The following GRID2 variants were observed in gnomAD, a reference collection of about 807,000 sequenced individuals.
The protein encoded by GRID2 is glutamate receptor ionotropic, delta-2.
In GRID2, 33 loss-of-function variants were observed where a neutral mutation model predicts 114.8. The ratio of observed to expected loss-of-function variants is 0.29; its 90% CI spans 0.22 to 0.38. GRID2 has a LOEUF of 0.38. Ranked by LOEUF, GRID2 falls within the 10% of genes least tolerant of loss-of-function variation. The pLI, the probability that GRID2 is intolerant of heterozygous loss-of-function variation, is 1.00. For synonymous variants in GRID2, 505 were observed against 449.9 expected (o/e 1.12, Z -1.55); for missense variants, 1,184 against 1,257.7 (o/e 0.94, Z 0.89).
At chr4:92,651,839 G>A (rs1222184776) in intron 2 of GRID2, among the ~76,000 whole-genome samples, 2 of 152,132 alleles carry the variant, frequency 1.3e-5, no homozygotes, top group Non-Finnish European at 2.9e-5. Context: ...TTGTAGTACT[G>A]CAGCTGTCCA....
intron 11 of GRID2, among the ~76,000 whole-genome samples, chr4:93,482,325 G>T (rs553333036): frequency 6.6e-6 from 1 of 151,938 alleles, no homozygotes; most frequent in Non-Finnish European, 1.5e-5. Context: ...AGAAAATGTG[G>T]CACATTTATA....
At chr4:93,747,138 T>G (rs1157687867) in intron 14 of GRID2, among the ~76,000 whole-genome samples, 1 of 152,076 alleles carries the variant, frequency 6.6e-6, no homozygotes, top group East Asian at 1.9e-4. Flanking sequence ...CGAAACACAG[T>G]TGGAAGCAAT....
intron 2 of GRID2, among the ~76,000 whole-genome samples, chr4:92,594,188 G>C (rs979017834): frequency 2.0e-5 from 3 of 151,750 alleles, no homozygotes; most frequent in African/African-American, 7.3e-5. Flanking sequence ...AGACACACAT[G>C]AGATAGCACA....
chr4:93,595,577 CA>C (rs1261575395), intron 13 of GRID2, among the ~76,000 whole-genome samples: 1 of 152,186 alleles, frequency 6.6e-6, no homozygotes, highest in Non-Finnish European at 1.5e-5. Context: ...AGTAAGAACT[CA>C]GTAAAAATGT....
At position 93,655,551 on chromosome 4, in the gene GRID2, A is replaced by G. The variant is rs112796554; in HGVS notation, c.2360+29116A>G. Among the ~76,000 whole-genome samples the G allele has an allele frequency of 3.2e-3, 490 of 152,294 alleles. 2 individuals are homozygous for G. The highest frequency in any genetic ancestry group is 0.011 in the African/African-American group (451 of 41,578). Reference sequence around the variant, plus strand: ...AAGTAAGAAAATTGTAAAAGCCGAAAGATAGGTCATCTACTTGCTTACTCT... The same window carrying G: ...AAGTAAGAAAATTGTAAAAGCCGAAGGATAGGTCATCTACTTGCTTACTCT... On this transcript the variant is annotated intron_variant, in intron 14 of 15. Coordinates refer to ENST00000282020, the MANE Select transcript of GRID2 (RefSeq NM_001510.4).
chr4:93,472,351 G>T lies in GRID2; in HGVS notation c.1858+16377G>T, dbSNP rs1237377328. ...AAAAAAAGTTATAATTTTATCAGCAGATGATCTCTCAGGGTATAACTTTTA... is the reference window on the plus strand; with the variant it reads ...AAAAAAAGTTATAATTTTATCAGCATATGATCTCTCAGGGTATAACTTTTA... On this transcript the variant is annotated intron_variant, in intron 11 of 15. Transcript: ENST00000282020. 3.3e-5 allele frequency among the ~76,000 whole-genome samples: 5 copies of T among 152,096 alleles called. No homozygotes were observed. In the East Asian group the frequency reaches 9.8e-4, roughly 30 times the overall value.
rs990225526 is a variant in GRID2, at chr4:93,121,286, A to G, written c.735+10333A>G. Reference sequence around the variant, plus strand: ...GTGACCATCATCCAGATCAAGAAACAGAACATAACTAGCATGCCCAGATTT... The same window carrying G: ...GTGACCATCATCCAGATCAAGAAACGGAACATAACTAGCATGCCCAGATTT... On this transcript the variant is annotated intron_variant, in intron 4 of 15. Transcript: ENST00000282020. Among the ~76,000 whole-genome samples, 3 of 152,344 alleles carry G rather than the reference A, an allele frequency of 2.0e-5. No homozygotes were observed. In the South Asian group the frequency reaches 6.2e-4, roughly 32 times the overall value.
At chr4:93,184,307 G>A (rs915327396) in intron 4 of GRID2, among the ~76,000 whole-genome samples, 3 of 152,068 alleles carry the variant, frequency 2.0e-5, no homozygotes, top group African/African-American at 7.2e-5. Context: ...AACGAAAGGG[G>A]AGTGGTGAAC....
chr4:93,285,963 T>A (rs1019158237), intron 8 of GRID2, among the ~76,000 whole-genome samples: 2 of 152,064 alleles, frequency 1.3e-5, no homozygotes, highest in African/African-American at 4.8e-5. Flanking sequence ...GTGTTAAGAT[T>A]TTAATACGCT....
intron 2 of GRID2, among the ~76,000 whole-genome samples, chr4:92,630,898 A>G (rs1730771976): frequency 6.6e-6 from 1 of 152,072 alleles, no homozygotes; most frequent in Admixed American, 6.6e-5. Context: ...AATGTATTCT[A>G]TGCATTGAAA....
At chr4:92,791,632 A>G (rs1739597477) in intron 2 of GRID2, among the ~76,000 whole-genome samples, 1 of 151,902 alleles carries the variant, frequency 6.6e-6, no homozygotes, top group South Asian at 2.1e-4. Context: ...AAAATATAAT[A>G]AGGAAAGTTA....
intron 4 of GRID2, among the ~76,000 whole-genome samples, chr4:93,129,130 C>A (rs1486935802): frequency 2.6e-5 from 4 of 152,080 alleles, no homozygotes; most frequent in Non-Finnish European, 5.9e-5. Context: ...AGAAATTTGG[C>A]AACAAATATA....
intron 8 of GRID2, among the ~76,000 whole-genome samples, chr4:93,387,488 C>G (rs187175689): frequency 2.1e-4 from 32 of 152,214 alleles, no homozygotes; most frequent in African/African-American, 7.5e-4. Context: ...TAGCTGGTAA[C>G]ACAGTGTTGG....
Position 93,184,715 on chromosome 4 carries a change from C to T in GRID2, c.736-22689C>T, listed in dbSNP as rs186320917. On this transcript the variant is annotated intron_variant, in intron 4 of 15. Transcript: ENST00000282020. ...TGGCCAACACAGTGAAACCCCATCT[C>T]TACAAAAAATACAAAAATTAGCTGG... Among the ~76,000 whole-genome samples, 713 of 152,070 alleles carry T rather than the reference C, an allele frequency of 4.7e-3. 10 individuals carry two copies. The highest frequency in any genetic ancestry group is 0.016 in the African/African-American group (681 of 41,498).
At chr4:92,307,130 A>G (rs1309257602) in intron 1 of GRID2, among the ~76,000 whole-genome samples, 1 of 152,194 alleles carries the variant, frequency 6.6e-6, no homozygotes, top group Non-Finnish European at 1.5e-5. Flanking sequence ...TGTCCATATT[A>G]AAATTGTAAA....
At chr4:93,301,380 G>T (rs1285441682) in intron 8 of GRID2, among the ~76,000 whole-genome samples, 2 of 152,112 alleles carry the variant, frequency 1.3e-5, no homozygotes, top group African/African-American at 4.8e-5. Context: ...AAATTAAAAA[G>T]TAGTTATTTT....
intron 2 of GRID2, among the ~76,000 whole-genome samples, chr4:92,719,920 T>G (rs879817135): frequency 1.3e-5 from 2 of 152,152 alleles, no homozygotes; most frequent in Non-Finnish European, 2.9e-5. Context: ...GTGTTCTGCT[T>G]CTTCTCCTAG....
intron 4 of GRID2, among the ~76,000 whole-genome samples, chr4:93,199,332 C>G (rs1370148486): frequency 6.6e-6 from 1 of 152,184 alleles, no homozygotes; most frequent in African/African-American, 2.4e-5. Flanking sequence ...ACTGTTCAAT[C>G]TTTGTTCAAT....
intron 14 of GRID2, among the ~76,000 whole-genome samples, chr4:93,723,489 A>G (rs1188835122): frequency 2.0e-5 from 3 of 152,234 alleles, no homozygotes; most frequent in South Asian, 4.1e-4. Context: ...TTAGCTACAC[A>G]CAACCAGCTT....
Sources: allele counts gnomAD v4.1 joint callset (sites outside exome capture counted in the v4.1 genomes callset), GRCh38; gene constraint gnomAD v4.1.1; transcripts MANE v1.5; gene names NCBI Gene and HGNC (gene_info 2026-07-23, HGNC 2026-07-21).